The following SLC48A1 variants were observed in gnomAD, a reference collection of about 807,000 sequenced individuals.
SLC48A1 encodes the protein solute carrier family 48 member 1.
SLC48A1 carries 6 observed loss-of-function variants against 14.8 expected under a neutral mutation model. The ratio of observed to expected loss-of-function variants is 0.41; its 90% CI spans 0.22 to 0.80. The LOEUF (loss-of-function observed/expected upper bound fraction) is 0.80. SLC48A1 is among the 30% of genes least tolerant of loss of function. The pLI is 0.34. For missense variants in SLC48A1, 165 were observed against 204.8 expected (o/e 0.81, Z 1.19); for synonymous variants, 89 against 90.0 (o/e 0.99, Z 0.06).
At chr12:47,772,433 G>A, upstream of SLC48A1, 1 of 153,136 alleles carries the variant, frequency 6.5e-6, no homozygotes, top group Middle Eastern at 1.6e-3. Context: ...CGCTTTGGGA[G>A]GCCGAGGTGG....
Position 47,780,305 on chromosome 12 carries a change from C to A in SLC48A1, c.*24C>A. 3 of 1,614,064 alleles carry A rather than the reference C, an allele frequency of 1.9e-6. No homozygotes were observed. Among genetic ancestry groups the A allele is most frequent in the South Asian group, 1.1e-5 (1 of 91,084 alleles). On this transcript the variant is annotated 3_prime_UTR_variant, in exon 3 of 3. Transcript: ENST00000442218. Reference sequence around the variant, plus strand: ...GACCCAGGGGGTGAGGTCTCTGCACCCTGGGGGGGCCTTAGGACCTGGACT... The same window carrying A: ...GACCCAGGGGGTGAGGTCTCTGCACACTGGGGGGGCCTTAGGACCTGGACT...
intron 1 of SLC48A1, among the ~76,000 whole-genome samples, chr12:47,773,931 GC>G (rs1942686028): frequency 6.6e-6 from 1 of 152,278 alleles, no homozygotes; most frequent in East Asian, 1.9e-4. Flanking sequence ...AAGGAAGAGG[GC>G]TAGGGGTGGC....
chr12:47,772,670 C>G (rs1428789023), upstream of SLC48A1, among the ~76,000 whole-genome samples: 1 of 145,998 alleles, frequency 6.8e-6, no homozygotes, highest in Admixed American at 6.8e-5. Context: ...GAGTGAGACT[C>G]TGTTTAAAAA....
intron 1 of SLC48A1, among the ~76,000 whole-genome samples, chr12:47,774,563 G>GAGGAT (rs1317810083): frequency 6.6e-6 from 1 of 152,224 alleles, no homozygotes; most frequent in Non-Finnish European, 1.5e-5. Flanking sequence ...TCGGCCAAAA[G>GAGGAT]AACCCTAAAT....
upstream of SLC48A1, among the ~76,000 whole-genome samples, chr12:47,772,628 G>C (rs971384800): frequency 2.6e-5 from 4 of 152,100 alleles, no homozygotes; most frequent in Non-Finnish European, 5.9e-5. Flanking sequence ...GCGGAGCTAT[G>C]ATGGCGCCAC....
At chr12:47,758,508 G>T (rs373818402), upstream of SLC48A1, 91 of 1,600,726 alleles carry the variant, frequency 5.7e-5, no homozygotes, top group Middle Eastern at 5.0e-4. Context: ...TTCCTCTCCC[G>T]CCCTCTCCTG....
intron 1 of SLC48A1, chr12:47,759,106 T>G: frequency 1.0e-6 from 1 of 983,554 alleles, no homozygotes; most frequent in Non-Finnish European, 1.2e-6. Context: ...GGCCCCGAAG[T>G]GTGTGGAGGA....
chr12:47,781,612 CT>C lies in SLC48A1; in HGVS notation c.*1332del. 1 of 152,906 alleles carries C rather than the reference CT, an allele frequency of 6.5e-6. No individual in the cohort carries two copies. The highest frequency in any genetic ancestry group is 1.9e-4 in the East Asian group (1 of 5,190). The allele number at this position is 152,906 out of a possible 1,614,324, so 9.5% of individuals were successfully genotyped here. On this transcript the variant is annotated 3_prime_UTR_variant, in exon 3 of 3. Transcript: ENST00000442218. Reference sequence around the variant, plus strand: ...CCATCTGATGTGTCCTGCCCCTCAGCTCTTTGCCTTATCTGTGTCACTGTCA... The same window carrying C: ...CCATCTGATGTGTCCTGCCCCTCAGCCTTTGCCTTATCTGTGTCACTGTCA...
In SLC48A1 at chr12:47,773,276, GCC is replaced by G; in HGVS notation, c.-27_-26del. ...GCACCTGTGACTCTCGGCCGCGCTCGCCCTCGGCCCGCCCGGCGCCGCAGCCC... is the reference window on the plus strand; with the variant it reads ...GCACCTGTGACTCTCGGCCGCGCTCGCTCGGCCCGCCCGGCGCCGCAGCCC... On this transcript the variant is annotated 5_prime_UTR_variant, in exon 1 of 3. Transcript: ENST00000442218. 1 of 1,350,716 alleles carries G rather than the reference GCC, an allele frequency of 7.4e-7. No homozygotes were observed. Among genetic ancestry groups the G allele is most frequent in the Non-Finnish European group, 9.5e-7 (1 of 1,047,564 alleles). 83.7% of individuals were successfully genotyped at this position (1,350,716 alleles called of 1,614,324 possible).
At chr12:47,763,376 G>A (rs1942431178) in intron 2 of SLC48A1, among the ~76,000 whole-genome samples, 2 of 152,188 alleles carry the variant, frequency 1.3e-5, no homozygotes, top group South Asian at 4.1e-4. Context: ...CCAGCTTGGA[G>A]GCCAGCTGGG....
At chr12:47,778,949 A>T (rs1942805756) in intron 1 of SLC48A1, 79 bp from the exon 2 acceptor site, 2 of 1,415,254 alleles carry the variant, frequency 1.4e-6, no homozygotes, top group Non-Finnish European at 1.9e-6. Flanking sequence ...TGGTATTCTT[A>T]TGCAAATAGG....
At chr12:47,765,827 G>A (rs995889560) in intron 2 of SLC48A1, among the ~76,000 whole-genome samples, 2 of 152,236 alleles carry the variant, frequency 1.3e-5, no homozygotes, top group Non-Finnish European at 2.9e-5. Context: ...TGCGTGGTCA[G>A]TGCCTTATAC....
intron 2 of SLC48A1, among the ~76,000 whole-genome samples, chr12:47,760,971 G>A (rs1942364329): frequency 2.0e-5 from 3 of 152,134 alleles, no homozygotes; most frequent in Admixed American, 1.3e-4. Context: ...CTGAGGTGGG[G>A]GTGAATCATG....
In SLC48A1 at chr12:47,779,146, C is replaced by T. The variant is rs757125354; in HGVS notation, c.255C>T (p.Ser85=). 5 of 1,551,924 alleles carry T rather than the reference C, an allele frequency of 3.2e-6. No homozygotes were observed. The South Asian group carries it at 5.9e-5, about 18-fold the overall frequency. Residue 85 remains serine, a synonymous_variant, in exon 2 of 3, where the codon TCC becomes TCT. Coordinates refer to ENST00000442218, the MANE Select transcript of SLC48A1 (RefSeq NM_017842.3). ...TGGGCGTCCTCTTCTCGGCCGTCTCCATCGCTGCCTTCTGCACCTTCCTCG... is the reference window on the plus strand; with the variant it reads ...TGGGCGTCCTCTTCTCGGCCGTCTCTATCGCTGCCTTCTGCACCTTCCTCG... ...FFVGVLFSAV[S]IAAFCTFLVL...
In SLC48A1 at chr12:47,773,287, G is replaced by T; in HGVS notation, c.-18G>T. 1 of 1,405,926 alleles carries T rather than the reference G, an allele frequency of 7.1e-7. No individual in the cohort carries two copies. Among genetic ancestry groups the T allele is most frequent in the Non-Finnish European group, 9.3e-7 (1 of 1,075,568 alleles). 87.1% of individuals were successfully genotyped at this position (1,405,926 alleles called of 1,614,324 possible). A position where few individuals can be genotyped will look rare whatever the true frequency, so the allele number is the denominator to read the frequency against. ...TCTCGGCCGCGCTCGCCCTCGGCCC[G>T]CCCGGCGCCGCAGCCCCATGGCCCC... On this transcript the variant is annotated 5_prime_UTR_variant, in exon 1 of 3. Transcript: ENST00000442218.
intron 2 of SLC48A1, 37 bp from the exon 3 acceptor site, chr12:47,780,108 C>T (rs1389052193): frequency 1.3e-6 from 2 of 1,507,942 alleles, no homozygotes; most frequent in African/African-American, 1.4e-5. Context: ...GAGGGCAGGG[C>T]CTGCCAAAGT....
intron 2 of SLC48A1, 118 bp downstream of exon 2, chr12:47,779,313 C>T (rs1942815377): frequency 4.9e-5 from 65 of 1,336,288 alleles, no homozygotes; most frequent in Non-Finnish European, 6.3e-5. Flanking sequence ...TACTTAACCT[C>T]CCCGGACACG....
intron 1 of SLC48A1, among the ~76,000 whole-genome samples, chr12:47,759,796 G>A (rs964059503): frequency 3.3e-5 from 5 of 152,220 alleles, no homozygotes; most frequent in Admixed American, 1.3e-4. Flanking sequence ...GGAGGTGAAC[G>A]CCCCACCCCC....
intron 1 of SLC48A1, among the ~76,000 whole-genome samples, chr12:47,776,414 A>G (rs535351011): frequency 4.6e-5 from 7 of 152,264 alleles, no homozygotes; most frequent in South Asian, 2.1e-4. Flanking sequence ...AGAGTCCCCA[A>G]GTGTGCCAGG....
Sources: allele counts gnomAD v4.1 joint callset (sites outside exome capture counted in the v4.1 genomes callset), GRCh38; gene constraint gnomAD v4.1.1; transcripts MANE v1.5; gene names NCBI Gene and HGNC (gene_info 2026-07-23, HGNC 2026-07-21).